The following KMT2C variants were observed in gnomAD, a reference collection of about 807,000 sequenced individuals.
KMT2C encodes lysine methyltransferase 2C.
A neutral mutation model predicts 507.9 loss-of-function variants in KMT2C; 88 were observed. The ratio of observed to expected loss-of-function variants is 0.17; its 90% CI spans 0.15 to 0.21. The LOEUF (loss-of-function observed/expected upper bound fraction) is 0.21. Ranked by LOEUF, KMT2C falls within the 10% of genes least tolerant of loss-of-function variation. The pLI, the probability that KMT2C is intolerant of heterozygous loss-of-function variation, is 1.00. For missense variants in KMT2C, 4,954 were observed against 5,957.8 expected (o/e 0.83, Z 5.55); for synonymous variants, 2,049 against 2,080.8 (o/e 0.98, Z 0.42).
At position 152,187,454 on chromosome 7, in the gene KMT2C, G is replaced by T. The variant is rs1185717964; in HGVS notation, c.4816C>A (p.Pro1606Thr). Residue 1606 changes from proline to threonine, a missense_variant, in exon 33 of 59, where the codon CCA becomes ACA. Physicochemically the swap from Pro to Thr is conservative, Grantham distance 38. This residue lies in a region of KMT2C where 195 missense variants were observed against 183.7 expected (regional missense o/e 1.06). Transcript: ENST00000262189. ...DARDKNSAFN[P>T]MASDPNNSWT... The stretch of plus-strand genomic sequence containing the variant: ...GAGTTGTTAGGATCACTTGCCATTG[G>T]ATTAAAGGCTGAATTTTTATCCCTG... The T allele has an allele frequency of 6.2e-7, 1 of 1,613,544 alleles. No homozygotes were observed. The highest frequency in any genetic ancestry group is 1.3e-5 in the African/African-American group (1 of 74,964).
At chr7:152,344,326 T>C (rs2129221721) in intron 2 of KMT2C, among the ~76,000 whole-genome samples, 1 of 152,292 alleles carries the variant, frequency 6.6e-6, no homozygotes, top group South Asian at 2.1e-4. Context: ...GGCTACTAAG[T>C]GACTAACAGG....
chr7:152,173,422 C>A (rs1181474363), intron 39 of KMT2C, among the ~76,000 whole-genome samples: 1 of 152,108 alleles, frequency 6.6e-6, no homozygotes, highest in African/African-American at 2.4e-5. Context: ...ACACAGGCAA[C>A]CATCTCCAGA....
intron 6 of KMT2C, among the ~76,000 whole-genome samples, chr7:152,285,658 A>T (rs553171047): frequency 3.3e-5 from 5 of 152,350 alleles, no homozygotes; most frequent in Admixed American, 3.3e-4. Context: ...CTTGGAAAAA[A>T]AGCAGAATAT....
intron 24 of KMT2C, among the ~76,000 whole-genome samples, chr7:152,206,183 T>C (rs1399791801): frequency 1.3e-5 from 2 of 152,100 alleles, no homozygotes; most frequent in African/African-American, 4.8e-5. Context: ...TGGTACACAG[T>C]CAACACTATA....
intron 23 of KMT2C, among the ~76,000 whole-genome samples, chr7:152,210,455 T>G (rs558177508): frequency 4.6e-4 from 70 of 152,342 alleles, no homozygotes; most frequent in African/African-American, 1.6e-3. Context: ...ATAACAAGCT[T>G]GTCCAACCTG....
chr7:152,334,493 T>A (rs1368977642), intron 2 of KMT2C, among the ~76,000 whole-genome samples: 2 of 152,138 alleles, frequency 1.3e-5, no homozygotes, highest in African/African-American at 2.4e-5. Context: ...ACAAAATCCA[T>A]ACTCTTCATC....
At chr7:152,390,243 A>G (rs2097481102) in intron 1 of KMT2C, among the ~76,000 whole-genome samples, 1 of 152,300 alleles carries the variant, frequency 6.6e-6, no homozygotes, top group Admixed American at 6.5e-5. Context: ...GTAAAGAAAA[A>G]AAGTATTAAA....
chr7:152,429,295 A>T (rs978374762), intron 1 of KMT2C, among the ~76,000 whole-genome samples: 1 of 152,178 alleles, frequency 6.6e-6, no homozygotes, highest in Non-Finnish European at 1.5e-5. Context: ...AAGACTTGTT[A>T]AACAATTTTA....
In KMT2C at chr7:152,309,507, C is replaced by CTTTTTT. The variant is rs60166582; in HGVS notation, c.849+453_849+458dup. 7.8e-4 allele frequency among the ~76,000 whole-genome samples: 69 copies of CTTTTTT among 87,968 alleles called. 1 individual carries two copies. Among genetic ancestry groups the CTTTTTT allele is most frequent in the Non-Finnish European group, 1.4e-3 (64 of 47,220 alleles). The allele number at this position is 87,968 out of a possible 152,430, so 57.7% of individuals were successfully genotyped here. A position where few individuals can be genotyped will look rare whatever the true frequency, so the allele number is the denominator to read the frequency against. On this transcript the variant is annotated intron_variant, in intron 6 of 58. Transcript: ENST00000262189. ...CCCGGCTAATTTTTGCATAAAATAACTTTTTTTTTTTTTTTTTTTTTTTTT... is the reference window on the plus strand; with the variant it reads ...CCCGGCTAATTTTTGCATAAAATAACTTTTTTTTTTTTTTTTTTTTTTTTTTTTTTT...
At chr7:152,346,109 A>G (rs1333102705) in intron 2 of KMT2C, among the ~76,000 whole-genome samples, 1 of 152,232 alleles carries the variant, frequency 6.6e-6, no homozygotes, top group East Asian at 1.9e-4. Context: ...AAAAAATGAT[A>G]CAATCTCAAG....
chr7:152,384,659 G>C (rs968460115), intron 1 of KMT2C, among the ~76,000 whole-genome samples: 3 of 148,690 alleles, frequency 2.0e-5, no homozygotes. Flanking sequence ...TAGAGATCTT[G>C]TCTTTGGGTA....
At chr7:152,199,575 A>C (rs1330225773) in intron 26 of KMT2C, 116 bp from the exon 27 acceptor site, 1 of 553,416 alleles carries the variant, frequency 1.8e-6, no homozygotes, top group African/African-American at 2.0e-5. Flanking sequence ...TATATTTAAC[A>C]ATATAGAAAC....
intron 16 of KMT2C, among the ~76,000 whole-genome samples, chr7:152,233,511 T>G (rs2095186274): frequency 6.6e-6 from 1 of 151,312 alleles, no homozygotes. Context: ...ATAAAGATGA[T>G]AATAAAAATC....
rs2129119638 is a variant in KMT2C, at chr7:152,181,087, C to T, written c.6773G>A (p.Gly2258Glu). 2 of 1,614,112 alleles carry T rather than the reference C, an allele frequency of 1.2e-6. No homozygotes were observed. The highest frequency in any genetic ancestry group is 1.7e-6 in the Non-Finnish European group (2 of 1,180,026). ...TACCAACGGGCCAGGTAAAGCTGGT[C>T]CTCGGTTTTGTGCTGCTTGCAGGAA... ...DPFLQAAQNR[G>E]PALPGPLVRP... Residue 2258 changes from glycine to glutamate, a missense_variant, in exon 36 of 59, where the codon GGA (glycine) becomes GAA (glutamate). Coordinates refer to ENST00000262189, the MANE Select transcript of KMT2C (RefSeq NM_170606.3).
intron 1 of KMT2C, chr7:152,368,132 G>T: frequency 1.1e-6 from 1 of 935,086 alleles, no homozygotes; most frequent in Non-Finnish European, 1.8e-6. Context: ...AATGGCAAAA[G>T]GGTCAAAGGA....
At chr7:152,320,745 G>A (rs1244241869) in intron 3 of KMT2C, among the ~76,000 whole-genome samples, 1 of 151,842 alleles carries the variant, frequency 6.6e-6, no homozygotes, top group African/African-American at 2.4e-5. Context: ...TAATAAATTA[G>A]TTTGAGATAC....
intron 41 of KMT2C, among the ~76,000 whole-genome samples, chr7:152,168,165 C>T (rs1446646423): frequency 1.3e-5 from 2 of 151,860 alleles, no homozygotes; most frequent in Non-Finnish European, 1.5e-5. Flanking sequence ...AAAAAGTCAT[C>T]GTATGTAGTG....
chr7:152,380,691 T>C (rs1436366841), intron 1 of KMT2C, among the ~76,000 whole-genome samples: 1 of 152,220 alleles, frequency 6.6e-6, no homozygotes, highest in Non-Finnish European at 1.5e-5. Context: ...TCAACTATGA[T>C]TGTGCCACCG....
intron 1 of KMT2C, among the ~76,000 whole-genome samples, chr7:152,390,199 T>C (rs1341200251): frequency 2.0e-5 from 3 of 147,118 alleles, no homozygotes; most frequent in Non-Finnish European, 4.5e-5. Flanking sequence ...GTGTACCCCC[T>C]GAATCTAAAA....
Sources: allele counts gnomAD v4.1 joint callset (sites outside exome capture counted in the v4.1 genomes callset), GRCh38; gene constraint gnomAD v4.1.1; regional missense constraint gnomAD v4.1.1; transcripts MANE v1.5; gene names NCBI Gene and HGNC (gene_info 2026-07-23, HGNC 2026-07-21).